The following PLEKHG6 variants were observed in gnomAD, a reference collection of about 807,000 sequenced individuals.
PLEKHG6 encodes the protein pleckstrin homology and RhoGEF domain containing G6.
PLEKHG6 carries 91 observed loss-of-function variants against 97.5 expected under a neutral mutation model. The ratio of observed to expected loss-of-function variants is 0.93; its 90% CI spans 0.79 to 1.11. The LOEUF (loss-of-function observed/expected upper bound fraction) is 1.11, where lower values mean the gene tolerates loss of function less well. PLEKHG6 is among the 50% of genes most tolerant of loss of function. The pLI is 0.00. For synonymous variants in PLEKHG6, 466 were observed against 425.5 expected (o/e 1.10, Z -1.17); for missense variants, 1,044 against 1,031.0 (o/e 1.01, Z -0.17).
In PLEKHG6 at chr12:6,313,638, C is replaced by G. The variant is rs767910202; in HGVS notation, c.148C>G (p.Arg50Gly). 15 of 1,614,056 alleles carry G rather than the reference C, an allele frequency of 9.3e-6. No individual in the cohort carries two copies. The highest frequency in any genetic ancestry group is 1.7e-5 in the Admixed American group (1 of 60,020). Residue 50 changes from arginine (R) to glycine (G), a missense_variant, in exon 3 of 16, where the codon CGC (arginine) becomes GGC (glycine). Physicochemically the swap from Arg to Gly is moderately radical, Grantham distance 125. Coordinates refer to ENST00000684764, the MANE Select transcript of PLEKHG6 (RefSeq NM_001384598.1). ...PRGYPVLDPS[R>G]RRLQQYVPFA... ...CCTGCTCCTCTCCCAGGATCCCAGT[C>G]GCCGACGCCTCCAGCAGTATGTCCC...
intron 14 of PLEKHG6, among the ~76,000 whole-genome samples, 179 bp from the exon 15 acceptor site, chr12:6,327,075 G>A (rs962361659): frequency 3.3e-5 from 5 of 152,150 alleles, no homozygotes; most frequent in African/African-American, 9.7e-5. Context: ...GAGGCAGCCC[G>A]TACTCTCTTA....
Position 6,327,483 on chromosome 12 carries a change from C to CCCCCCCCCCACCCCCA in PLEKHG6, c.1900_1901insCCCCCCCCCACCCCCA (p.His634ProfsTer41). On this transcript the variant is annotated frameshift_variant, in exon 15 of 16. Coordinates refer to ENST00000684764, the MANE Select transcript of PLEKHG6 (RefSeq NM_001384598.1). LOFTEE classifies it high-confidence loss of function. ...ACTCCGGGACATCCCTCTGCGTCCC[C>CCCCCCCCCCACCCCCA]ACCCTCCCGACCCCCAAGCTCCTCA... 1 of 1,094,110 alleles carries CCCCCCCCCCACCCCCA rather than the reference C, an allele frequency of 9.1e-7. No individual in the cohort carries two copies. Among genetic ancestry groups the CCCCCCCCCCACCCCCA allele is most frequent in the Admixed American group, 1.8e-5 (1 of 55,384 alleles). The allele number at this position is 1,094,110 out of a possible 1,614,324, so 67.8% of individuals were successfully genotyped here.
At position 6,319,114 on chromosome 12, in the gene PLEKHG6, G is replaced by A; in HGVS notation, c.1524+6G>A. 6.3e-7 allele frequency: 1 copy of A among 1,593,362 alleles called. No homozygotes were observed. Among genetic ancestry groups the A allele is most frequent in the African/African-American group, 1.3e-5 (1 of 74,644 alleles). ...AGAAGACCCAGCAGGCCCAGGTATG[G>A]GAAAGCCAGCAACGGGGAGGCATGG... On this transcript the variant is annotated splice_donor_region_variant and intron_variant, in intron 13 of 15. Transcript: ENST00000684764.
chr12:6,322,424 T>C (rs1592032836), intron 13 of PLEKHG6, among the ~76,000 whole-genome samples: 1 of 152,148 alleles, frequency 6.6e-6, no homozygotes, highest in East Asian at 1.9e-4. Context: ...AGGTGGGTTT[T>C]GTGATGACAG....
chr12:6,319,577 AG>A, intron 13 of PLEKHG6: 1 of 1,535,738 alleles, frequency 6.5e-7, no homozygotes, highest in Non-Finnish European at 8.7e-7. Context: ...CCAGAGAGGG[AG>A]GCAGAGCCTC....
In PLEKHG6 at chr12:6,328,219, C is replaced by A; in HGVS notation, c.*74C>A. The stretch of plus-strand genomic sequence containing the variant: ...CCCAGTAGTGCTGGTCACCCTCCGG[C>A]ATCTGTGACTCTACCTCAAGGACCA... On this transcript the variant is annotated 3_prime_UTR_variant, in exon 16 of 16. Transcript: ENST00000684764. 2 of 1,445,734 alleles carry A rather than the reference C, an allele frequency of 1.4e-6. No homozygotes were observed. Among genetic ancestry groups the A allele is most frequent in the Non-Finnish European group, 1.9e-6 (2 of 1,027,766 alleles). The allele number at this position is 1,445,734 out of a possible 1,614,324, so 89.6% of individuals were successfully genotyped here. A position where few individuals can be genotyped will look rare whatever the true frequency, so the allele number is the denominator to read the frequency against.
At chr12:6,312,131 C>T (rs866763940) in intron 1 of PLEKHG6, 28 bp from the exon 2 acceptor site, 1 of 1,114,848 alleles carries the variant, frequency 9.0e-7, no homozygotes, top group African/African-American at 1.6e-5. Flanking sequence ...TGGGGATGGC[C>T]CTTCCATTCC....
intron 13 of PLEKHG6, among the ~76,000 whole-genome samples, chr12:6,323,145 G>A (rs1432749777): frequency 6.6e-6 from 1 of 152,156 alleles, no homozygotes; most frequent in East Asian, 1.9e-4. Context: ...AATCCCAAGA[G>A]CTACTGAAAA....
rs922141291 is a variant in PLEKHG6, at chr12:6,316,755, G to A, written c.756+351G>A. ...GTGTAAAAGGCCACAGGAGGCACCC[G>A]GGGCACGGAGAAGAGTGACAAGAGA... On this transcript the variant is annotated intron_variant, in intron 7 of 15. Transcript: ENST00000684764. The surrounding 1 kb of genome is among the most constrained non-coding windows in gnomAD (Gnocchi z 4.1). 1.3e-5 allele frequency among the ~76,000 whole-genome samples: 2 copies of A among 152,166 alleles called. No individual in the cohort carries two copies. The highest frequency in any genetic ancestry group is 1.9e-4 in the East Asian group (1 of 5,194).
At chr12:6,321,195 A>G (rs1947689968) in intron 13 of PLEKHG6, among the ~76,000 whole-genome samples, 1 of 151,870 alleles carries the variant, frequency 6.6e-6, no homozygotes, top group Non-Finnish European at 1.5e-5. Context: ...AATTTTTTGC[A>G]TCTTTTTGTG....
rs975223647 is a variant in PLEKHG6 at position 6,315,756 on chromosome 12, C to A, written c.555+107C>A. ...GGGGAGGGAGGGGCAGGATTTCAGG[C>A]CAGTCTGGGATGCAGGGAGATAGGT... is the stretch of plus-strand genomic sequence containing the variant. On this transcript the variant is annotated intron_variant, in intron 5 of 15. Coordinates refer to ENST00000684764, the MANE Select transcript of PLEKHG6 (RefSeq NM_001384598.1). The surrounding 1 kb of genome is among the most constrained non-coding windows in gnomAD (Gnocchi z 4.5). 1.6e-6 allele frequency: 2 copies of A among 1,223,908 alleles called. No individual in the cohort carries two copies. Among genetic ancestry groups the A allele is most frequent in the Non-Finnish European group, 1.2e-6 (1 of 866,814 alleles). 75.8% of individuals were successfully genotyped at this position (1,223,908 alleles called of 1,614,324 possible).
chr12:6,328,258 A>C lies in PLEKHG6; in HGVS notation c.*113A>C. ...CCTCAAGGACCACATTTCCCAAAGGAAGCCTGGCCCAGGCACCCTGCCTCC... is the reference window on the plus strand; with the variant it reads ...CCTCAAGGACCACATTTCCCAAAGGCAGCCTGGCCCAGGCACCCTGCCTCC... On this transcript the variant is annotated 3_prime_UTR_variant, in exon 16 of 16. Coordinates refer to ENST00000684764, the MANE Select transcript of PLEKHG6 (RefSeq NM_001384598.1). 1.7e-6 allele frequency: 2 copies of C among 1,144,178 alleles called. No homozygotes were observed. The highest frequency in any genetic ancestry group is 2.6e-6 in the Non-Finnish European group (2 of 764,424). 70.9% of individuals were successfully genotyped at this position (1,144,178 alleles called of 1,614,324 possible).
rs1025039748 is a variant in PLEKHG6, at chr12:6,312,591, G to C, written c.138+227G>C. ...GGCAGGAGAGGCGGAGCCAGGAGAA[G>C]CCAGGCCCTCCGAGGAGTGCTGTTA... On this transcript the variant is annotated intron_variant, in intron 2 of 15. Coordinates refer to ENST00000684764, the MANE Select transcript of PLEKHG6 (RefSeq NM_001384598.1). 12 of 1,294,266 alleles carry C rather than the reference G, an allele frequency of 9.3e-6. No homozygotes were observed. The African/African-American group carries it at 1.7e-4, about 18-fold the overall frequency. The allele number at this position is 1,294,266 out of a possible 1,614,324, so 80.2% of individuals were successfully genotyped here. A position where few individuals can be genotyped will look rare whatever the true frequency, so the allele number is the denominator to read the frequency against.
At chr12:6,319,160 G>A in intron 13 of PLEKHG6, 52 bp downstream of exon 13, 1 of 1,213,616 alleles carries the variant, frequency 8.2e-7, no homozygotes, top group Non-Finnish European at 1.2e-6. Context: ...CCGGAGCTCA[G>A]AAATGGGAGC....
Position 6,316,441 on chromosome 12 carries a change from G to A in PLEKHG6, c.756+37G>A, listed in dbSNP as rs771105045. The stretch of plus-strand genomic sequence containing the variant: ...GAAGGGCTGTGTCTGGATGGGGCAG[G>A]ACTCGGAGCCCTCGGGGGTCCTGTG... On this transcript the variant is annotated intron_variant, in intron 7 of 15. Transcript: ENST00000684764. The surrounding 1 kb of genome is among the most constrained non-coding windows in gnomAD (Gnocchi z 4.1). The A allele has an allele frequency of 6.5e-7, 1 of 1,536,116 alleles. No individual in the cohort carries two copies. The highest frequency in any genetic ancestry group is 8.8e-7 in the Non-Finnish European group (1 of 1,137,552).
In PLEKHG6 at chr12:6,326,509, G is replaced by T. The variant is rs924702426; in HGVS notation, c.1606G>T (p.Glu536Ter). The T allele has an allele frequency of 2.5e-6, 4 of 1,602,558 alleles. No homozygotes were observed. The highest frequency in any genetic ancestry group is 4.5e-5 in the East Asian group (2 of 44,156). The change falls in exon 14 of 16, where the codon GAG becomes TAG. Residue 536 changes from glutamate (E) to a stop codon, truncating the protein, a stop_gained. Coordinates refer to ENST00000684764, the MANE Select transcript of PLEKHG6 (RefSeq NM_001384598.1). LOFTEE classifies it high-confidence loss of function. ...LLTLYRDQDR[E>*]SPSTRPSTPS... ...GACCCTCTATCGGGACCAGGACAGGGAGTCCCCCAGCACCAGGCCCTCCAC... is the reference window on the plus strand; with the variant it reads ...GACCCTCTATCGGGACCAGGACAGGTAGTCCCCCAGCACCAGGCCCTCCAC...
At chr12:6,314,790 A>C (rs1360926113) in intron 3 of PLEKHG6, among the ~76,000 whole-genome samples, 2 of 152,000 alleles carry the variant, frequency 1.3e-5, no homozygotes, top group Admixed American at 1.3e-4. Flanking sequence ...ACATTCCAGC[A>C]ATGCCTTTTT....
At position 6,316,064 on chromosome 12, in the gene PLEKHG6, G is replaced by T; in HGVS notation, c.606+145G>T. On this transcript the variant is annotated intron_variant, in intron 6 of 15. Coordinates refer to ENST00000684764, the MANE Select transcript of PLEKHG6 (RefSeq NM_001384598.1). This position sits in a 1 kb window ranked among gnomAD's most constrained non-coding sequence, Gnocchi z 4.1. ...CCCTCCCTACTTCCCTGTTACTGGG[G>T]ACTCCAAGCAGGCCACAGGCCCCCC... is the stretch of plus-strand genomic sequence containing the variant. 1 of 920,756 alleles carries T rather than the reference G, an allele frequency of 1.1e-6. No homozygotes were observed. Among genetic ancestry groups the T allele is most frequent in the African/African-American group, 1.7e-5 (1 of 59,960 alleles). The allele number at this position is 920,756 out of a possible 1,614,324, so 57.0% of individuals were successfully genotyped here.
Position 6,327,554 on chromosome 12 carries a change from C to T in PLEKHG6, c.1971C>T (p.Gly657=), listed in dbSNP as rs748050350. 1.3e-6 allele frequency: 2 copies of T among 1,559,348 alleles called. No homozygotes were observed. The highest frequency in any genetic ancestry group is 1.4e-5 in the African/African-American group (1 of 71,622). Residue 657 remains glycine, a synonymous_variant, in exon 15 of 16, where the codon GGC becomes GGT. Coordinates refer to ENST00000684764, the MANE Select transcript of PLEKHG6 (RefSeq NM_001384598.1). ...TGCCGGAAGGAATCCTAAAAGGAGG[C>T]AGTCTTCCCCAGGAAGACCCACCAA... The part of the protein sequence containing the change: ...PELPEGILKG[G]SLPQEDPPTW...
Sources: allele counts gnomAD v4.1 joint callset (sites outside exome capture counted in the v4.1 genomes callset), GRCh38; gene constraint gnomAD v4.1.1; non-coding constraint Gnocchi (gnomAD v3.1); transcripts MANE v1.5; gene names NCBI Gene and HGNC (gene_info 2026-07-23, HGNC 2026-07-21).